The following FAM227B variants were observed in gnomAD, a reference collection of about 807,000 sequenced individuals.
The protein encoded by FAM227B is family with sequence similarity 227 member B.
FAM227B carries 88 observed loss-of-function variants against 73.8 expected under a neutral mutation model. The observed-to-expected ratio is 1.19, with a 90% CI of 1.00 to 1.42. The LOEUF is 1.42. Among genes scored for constraint, FAM227B ranks in the 40% most tolerant of loss-of-function variants. The pLI is 0.00. For missense variants in FAM227B, 632 were observed against 590.9 expected, an observed-to-expected ratio of 1.07 and a Z score of -0.72; for synonymous variants, 210 against 190.5, an observed-to-expected ratio of 1.10 and a Z score of -0.84.
At chr15:49,583,950 C>T (rs1160402208) in intron 5 of FAM227B, among the ~76,000 whole-genome samples, 1 of 152,112 alleles carries the variant, frequency 6.6e-6, no homozygotes, top group Admixed American at 6.5e-5. Flanking sequence ...AGGGCTGGTA[C>T]CATACCTGCT....
At chr15:49,494,721 C>T (rs956964269) in intron 11 of FAM227B, among the ~76,000 whole-genome samples, 1 of 152,066 alleles carries the variant, frequency 6.6e-6, no homozygotes, top group Non-Finnish European at 1.5e-5. Context: ...CCCATAAGTT[C>T]CATAAGGAAA....
At chr15:49,511,326 A>C (rs1461582475) in intron 10 of FAM227B, among the ~76,000 whole-genome samples, 1 of 152,134 alleles carries the variant, frequency 6.6e-6, no homozygotes, top group Non-Finnish European at 1.5e-5. Context: ...AACCTTAGCT[A>C]TCATCTTATA....
At chr15:49,353,023 T>C (rs1325744129) in intron 13 of FAM227B, among the ~76,000 whole-genome samples, 1 of 152,192 alleles carries the variant, frequency 6.6e-6, no homozygotes, top group Non-Finnish European at 1.5e-5. Context: ...AAACAGTGTC[T>C]AAGCATTCTT....
rs1567285101 is a variant in FAM227B at position 49,443,394 on chromosome 15, GT to G, written c.1012+64816del. ...AACTCTGTTCAGTGATGTTTTGTTG[GT>G]GGCTTGGACCCAACTATGATAAGAG... On this transcript the variant is annotated intron_variant, in intron 11 of 15. Coordinates refer to ENST00000299338, the MANE Select transcript of FAM227B (RefSeq NM_152647.3). Among the ~76,000 whole-genome samples the G allele has an allele frequency of 2.1e-4, 32 of 150,942 alleles. No homozygotes were observed. The East Asian group carries it at 4.1e-3, about 19-fold the overall frequency.
chr15:49,409,880 G>A (rs2048759838), intron 11 of FAM227B, among the ~76,000 whole-genome samples: 1 of 152,118 alleles, frequency 6.6e-6, no homozygotes, highest in Non-Finnish European at 1.5e-5. Flanking sequence ...TAAGTGTTAT[G>A]TAAGGCTTTA....
intron 11 of FAM227B, among the ~76,000 whole-genome samples, chr15:49,405,034 T>A (rs2048421638): frequency 6.6e-6 from 1 of 152,180 alleles, no homozygotes; most frequent in Admixed American, 6.5e-5. Flanking sequence ...AGAAATGAAA[T>A]TCTGGGTTGG....
chr15:49,613,910 G>C (rs2078119123), intron 2 of FAM227B, among the ~76,000 whole-genome samples: 1 of 151,928 alleles, frequency 6.6e-6, no homozygotes, highest in African/African-American at 2.4e-5. Flanking sequence ...TATGAGAGAT[G>C]GTGCATGCAA....
chr15:49,551,117 C>CA (rs2072933473), intron 9 of FAM227B, among the ~76,000 whole-genome samples: 1 of 152,114 alleles, frequency 6.6e-6, no homozygotes, highest in Non-Finnish European at 1.5e-5. Context: ...CCGTCTCCAC[C>CA]AAAAAAATAC....
chr15:49,459,043 T>C (rs931002852), intron 11 of FAM227B, among the ~76,000 whole-genome samples: 1 of 152,212 alleles, frequency 6.6e-6, no homozygotes, highest in Non-Finnish European at 1.5e-5. Context: ...GTCATATAAC[T>C]AATACTCAAC....
At chr15:49,410,479 G>C (rs2048800046) in intron 11 of FAM227B, among the ~76,000 whole-genome samples, 1 of 151,804 alleles carries the variant, frequency 6.6e-6, no homozygotes, top group African/African-American at 2.4e-5. Flanking sequence ...TCAGTACATA[G>C]TCTTCACTAT....
chr15:49,397,952 T>G (rs929931361), intron 11 of FAM227B, among the ~76,000 whole-genome samples: 12 of 151,624 alleles, frequency 7.9e-5, no homozygotes, highest in African/African-American at 2.4e-4. Flanking sequence ...ACCAGCAAAA[T>G]AACCAGCTAA....
intron 11 of FAM227B, among the ~76,000 whole-genome samples, chr15:49,421,023 C>A (rs1162725110): frequency 2.0e-5 from 3 of 151,970 alleles, no homozygotes; most frequent in African/African-American, 7.3e-5. Flanking sequence ...TCTTTGAAGC[C>A]AGCAATGGTG....
At chr15:49,330,364 GTA>G (rs2038435491) in intron 15 of FAM227B, 1 of 152,228 alleles carries the variant, frequency 6.6e-6, no homozygotes, top group Non-Finnish European at 1.5e-5. Flanking sequence ...GTCTGCAGAT[GTA>G]TATAGTTTGG....
At chr15:49,583,441 C>T (rs1254327090) in intron 5 of FAM227B, among the ~76,000 whole-genome samples, 1 of 152,018 alleles carries the variant, frequency 6.6e-6, no homozygotes, top group Non-Finnish European at 1.5e-5. Flanking sequence ...TACACTCCCA[C>T]CAGCACCATG....
At position 49,536,086 on chromosome 15, in the gene FAM227B, A is replaced by G. The variant is rs985980008; in HGVS notation, c.874+5594T>C. Among the ~76,000 whole-genome samples the G allele has an allele frequency of 6.0e-5, 9 of 150,952 alleles. No individual in the cohort carries two copies. The East Asian group carries it at 1.2e-3, about 19-fold the overall frequency. On this transcript the variant is annotated intron_variant, in intron 10 of 15. Transcript: ENST00000299338. Reference sequence around the variant, plus strand: ...GGGCAATCAGACAAAAAAAAAAAAAAAAAAGAAAAAAGAAAGAAAAAACTT... The same window carrying G: ...GGGCAATCAGACAAAAAAAAAAAAAGAAAAGAAAAAAGAAAGAAAAAACTT...
At chr15:49,518,644 A>T (rs1419128481) in intron 10 of FAM227B, among the ~76,000 whole-genome samples, 1 of 151,986 alleles carries the variant, frequency 6.6e-6, no homozygotes, top group Non-Finnish European at 1.5e-5. Flanking sequence ...ATCTCAGGAG[A>T]CTTATTCACT....
chr15:49,598,907 T>C (rs2077034608), intron 3 of FAM227B, among the ~76,000 whole-genome samples: 1 of 152,042 alleles, frequency 6.6e-6, no homozygotes. Flanking sequence ...TGGTCCACAG[T>C]TTTCTTCTCT....
In FAM227B at chr15:49,589,995, T is replaced by C. The variant is rs748041047; in HGVS notation, c.118A>G (p.Arg40Gly). The C allele has an allele frequency of 7.6e-6, 12 of 1,588,138 alleles. No individual in the cohort carries two copies. The highest frequency in any genetic ancestry group is 1.0e-5 in the Non-Finnish European group (12 of 1,158,010). Residue 40 changes from arginine to glycine, a missense_variant, in exon 4 of 16, where the codon AGG becomes GGG. Physicochemically the swap from Arg to Gly is moderately radical, Grantham distance 125. Coordinates refer to ENST00000299338, the MANE Select transcript of FAM227B (RefSeq NM_152647.3). ...LKFQNWDYWPREIHFRDDDKW... is the reference protein window; with the variant it reads ...LKFQNWDYWPGEIHFRDDDKW... ...TCATCATCTCTAAAATGGATTTCCC[T>C]TGGCCAATAATCCTGCAAAAAACGT... is the stretch of plus-strand genomic sequence containing the variant.
chr15:49,347,220 G>A (rs1281061843), intron 13 of FAM227B, among the ~76,000 whole-genome samples: 1 of 152,202 alleles, frequency 6.6e-6, no homozygotes, highest in African/African-American at 2.4e-5. Flanking sequence ...GCCAGGACTT[G>A]TATTAGGCAT....
Sources: gnomAD v4.1 joint callset for allele counts (sites outside exome capture counted in the v4.1 genomes callset) on GRCh38, gnomAD v4.1.1 for gene constraint, MANE v1.5 for transcripts, NCBI Gene and HGNC (gene_info 2026-07-23, HGNC 2026-07-21) for gene names.